The following RYR2 variants were observed in gnomAD, a reference collection of about 807,000 sequenced individuals.
RYR2 encodes ryanodine receptor 2.
Under a neutral mutation model 601.1 loss-of-function variants are expected in RYR2, and 227 were observed. The observed-to-expected ratio is 0.38, with a 90% CI of 0.34 to 0.42. The LOEUF (loss-of-function observed/expected upper bound fraction) is 0.42, where lower values mean the gene tolerates loss of function less well. Ranked by LOEUF, RYR2 falls within the 10% of genes least tolerant of loss-of-function variation. The pLI, the probability that RYR2 is intolerant of heterozygous loss-of-function variation, is 1.00. For missense variants in RYR2, 4,646 were observed against 6,156.5 expected (o/e 0.75, Z 8.21); for synonymous variants, 2,223 against 2,175.1 (o/e 1.02, Z -0.61).
At chr1:237,469,276 A>AC (rs1210923567) in intron 17 of RYR2, 89 bp downstream of exon 17, 8 of 774,490 alleles carry the variant, frequency 1.0e-5, no homozygotes, top group Non-Finnish European at 1.9e-6. Flanking sequence ...AAAAAAAAAA[A>AC]AAACAACTTT....
At chr1:237,101,242 C>A (rs901901591) in intron 1 of RYR2, among the ~76,000 whole-genome samples, 3 of 150,220 alleles carry the variant, frequency 2.0e-5, no homozygotes, top group Non-Finnish European at 4.4e-5. Flanking sequence ...TTAGGCTCAT[C>A]CTTGGATGCC....
At chr1:237,500,940 T>G in intron 21 of RYR2, 37 bp downstream of exon 21, 2 of 1,567,366 alleles carry the variant, frequency 1.3e-6, no homozygotes, top group Non-Finnish European at 1.8e-6. Context: ...CTTTCCTTTC[T>G]CATTTCTCAT....
intron 13 of RYR2, among the ~76,000 whole-genome samples, chr1:237,443,637 CG>C (rs1558826938): frequency 6.6e-6 from 1 of 151,960 alleles, no homozygotes; most frequent in African/African-American, 2.4e-5. Context: ...TGTATATTTA[CG>C]GGGGAAGTTA....
chr1:237,472,922 G>T lies in RYR2; in HGVS notation c.1708+3735G>T, dbSNP rs377671226. On this transcript the variant is annotated intron_variant, in intron 17 of 104. Transcript: ENST00000366574. ...ACTTGTGATAAATAGCAAATGGGAA[G>T]TCATTAGACCCAAAGGATAGAGAAG... Among the ~76,000 whole-genome samples the T allele has an allele frequency of 6.6e-5, 10 of 152,068 alleles. No homozygotes were observed. The East Asian group carries it at 1.2e-3, about 18-fold the overall frequency.
chr1:237,767,847 A>G lies in RYR2; in HGVS notation c.11477-2960A>G, dbSNP rs1317084986. ...GCAGAATCGATCTTAAGGTCCCCTCAAGATCCACAATCAGCATAATTTCCT... is the reference window on the plus strand; with the variant it reads ...GCAGAATCGATCTTAAGGTCCCCTCGAGATCCACAATCAGCATAATTTCCT... On this transcript the variant is annotated intron_variant, in intron 84 of 104. Coordinates refer to ENST00000366574, the MANE Select transcript of RYR2 (RefSeq NM_001035.3). Among the ~76,000 whole-genome samples, 8 of 152,134 alleles carry G rather than the reference A, an allele frequency of 5.3e-5. No homozygotes were observed. In the South Asian group the frequency reaches 8.3e-4, roughly 16 times the overall value.
Position 237,591,205 on chromosome 1 carries a change from TCCC to T in RYR2, c.4160+216_4160+218del, listed in dbSNP as rs1675162976. Among the ~76,000 whole-genome samples the T allele has an allele frequency of 3.4e-5, 2 of 59,468 alleles. 1 individual carries two copies. The highest frequency in any genetic ancestry group is 4.0e-4 in the Admixed American group (2 of 5,030). 39.0% of individuals were successfully genotyped at this position (59,468 alleles called of 152,430 possible). On this transcript the variant is annotated intron_variant, in intron 31 of 104. Coordinates refer to ENST00000366574, the MANE Select transcript of RYR2 (RefSeq NM_001035.3). ...CTTCTCCTCCTCCCCCTTCTCCTCC[TCCC>T]CCTTCTCCTCCTCCCCCTTCTCCTC...
chr1:237,219,709 T>C (rs1344854342), intron 1 of RYR2, among the ~76,000 whole-genome samples: 2 of 152,072 alleles, frequency 1.3e-5, no homozygotes. Flanking sequence ...CCTGGATAAG[T>C]GGAGATGATA....
intron 46 of RYR2, 75 bp from the exon 47 acceptor site, chr1:237,640,822 C>G (rs995033814): frequency 1.1e-5 from 13 of 1,186,274 alleles, no homozygotes; most frequent in Non-Finnish European, 1.6e-5. Flanking sequence ...TCCCTTTCCT[C>G]GGAGAGATAT....
At chr1:237,266,542 G>A (rs1233610683) in intron 1 of RYR2, among the ~76,000 whole-genome samples, 2 of 152,174 alleles carry the variant, frequency 1.3e-5, no homozygotes, top group African/African-American at 2.4e-5. Flanking sequence ...AGTGTGCTCT[G>A]AGATGAATGA....
chr1:237,694,731 G>A (rs944868157), intron 63 of RYR2, among the ~76,000 whole-genome samples: 3 of 152,174 alleles, frequency 2.0e-5, no homozygotes, highest in African/African-American at 7.2e-5. Flanking sequence ...AGAATATGTA[G>A]TTATTCAAAA....
chr1:237,738,718 G>A (rs1369989137), intron 79 of RYR2, among the ~76,000 whole-genome samples: 4 of 151,864 alleles, frequency 2.6e-5, no homozygotes, highest in African/African-American at 9.7e-5. Flanking sequence ...TTCCCTTTGG[G>A]CAGATATACC....
intron 38 of RYR2, 88 bp downstream of exon 38, chr1:237,617,574 G>A (rs961276022): frequency 8.2e-6 from 10 of 1,221,490 alleles, no homozygotes; most frequent in African/African-American, 3.0e-5. Flanking sequence ...TAACTCACAC[G>A]TCTTGTTTTC....
At chr1:237,558,222 T>G (rs1671099535) in intron 27 of RYR2, among the ~76,000 whole-genome samples, 1 of 152,160 alleles carries the variant, frequency 6.6e-6, no homozygotes, top group African/African-American at 2.4e-5. Flanking sequence ...CAAAAACCTG[T>G]GTACAGGGAA....
At chr1:237,383,414 C>CTTTT (rs1558724426) in intron 8 of RYR2, among the ~76,000 whole-genome samples, 2 of 64,790 alleles carry the variant, frequency 3.1e-5, no homozygotes, top group South Asian at 1.0e-3. Flanking sequence ...TTTCTTTTTT[C>CTTTT]TTGTTTTTTT....
chr1:237,663,840 T>TA (rs1460295797), intron 56 of RYR2, among the ~76,000 whole-genome samples: 1 of 152,208 alleles, frequency 6.6e-6, no homozygotes, highest in African/African-American at 2.4e-5. Flanking sequence ...ACTGTCCACT[T>TA]AGGGTTTTAT....
intron 17 of RYR2, among the ~76,000 whole-genome samples, chr1:237,489,508 T>A (rs1045221785): frequency 2.0e-5 from 3 of 152,060 alleles, no homozygotes; most frequent in African/African-American, 4.8e-5. Flanking sequence ...AATACAAAAA[T>A]TGCCTGGGCA....
intron 2 of RYR2, among the ~76,000 whole-genome samples, chr1:237,277,254 T>G (rs1280633515): frequency 6.6e-6 from 1 of 152,210 alleles, no homozygotes; most frequent in Non-Finnish European, 1.5e-5. Context: ...CTTAACATTA[T>G]TTTATAAGCG....
At chr1:237,383,713 G>T (rs1344823998) in intron 8 of RYR2, among the ~76,000 whole-genome samples, 1 of 152,078 alleles carries the variant, frequency 6.6e-6, no homozygotes, top group African/African-American at 2.4e-5. Context: ...ACAGGCGTGA[G>T]CCACCGCGCC....
chr1:237,633,820 C>A (rs1195166016), intron 43 of RYR2, 110 bp downstream of exon 43: 2 of 1,049,974 alleles, frequency 1.9e-6, no homozygotes, highest in Non-Finnish European at 2.7e-6. Context: ...AGACATTTCA[C>A]AAAAGAAGAC....
Sources: allele counts gnomAD v4.1 joint callset (sites outside exome capture counted in the v4.1 genomes callset), GRCh38; gene constraint gnomAD v4.1.1; transcripts MANE v1.5; gene names NCBI Gene and HGNC (gene_info 2026-07-23, HGNC 2026-07-21).